Variants in SHH observed in about 807,000 individuals in gnomAD.
The protein encoded by SHH is sonic hedgehog protein.
A neutral mutation model predicts 16.6 loss-of-function variants in SHH; 3 were observed. That is an observed-to-expected ratio of 0.18 (90% CI 0.08 to 0.47). SHH has a LOEUF of 0.47. SHH is among the 20% of genes least tolerant of loss of function. The pLI, the probability that SHH is intolerant of heterozygous loss-of-function variation, is 0.98. For missense variants in SHH, 499 were observed against 665.0 expected, an observed-to-expected ratio of 0.75 and a Z score of 2.75; for synonymous variants, 351 against 316.2, an observed-to-expected ratio of 1.11 and a Z score of -1.17.
In SHH at chr7:155,800,466, T is replaced by C. The variant is rs911181321; in HGVS notation, c.*2434A>G. The C allele has an allele frequency of 3.6e-5, 16 of 443,686 alleles. No individual in the cohort carries two copies. The East Asian group carries it at 9.9e-4, about 27-fold the overall frequency. The allele number at this position is 443,686 out of a possible 1,614,324, so 27.5% of individuals were successfully genotyped here. On this transcript the variant is annotated 3_prime_UTR_variant, in exon 3 of 3. Coordinates refer to ENST00000297261, the MANE Select transcript of SHH (RefSeq NM_000193.4). ...ACCATGGCCTCAGGCACCTTGGGGC[T>C]TGGTCAACGCCTGGCTTCTCTCTGA...
At chr7:155,810,324 C>A (rs1200933251) in intron 1 of SHH, among the ~76,000 whole-genome samples, 1 of 152,228 alleles carries the variant, frequency 6.6e-6, no homozygotes, top group Non-Finnish European at 1.5e-5. Context: ...TCCACGCCCC[C>A]GCCGCTCTCT....
In SHH at chr7:155,806,442, A is replaced by G; in HGVS notation, c.416T>C (p.Leu139Pro). The G allele has an allele frequency of 6.2e-7, 1 of 1,613,816 alleles. No homozygotes were observed. The highest frequency in any genetic ancestry group is 8.5e-7 in the Non-Finnish European group (1 of 1,180,036). ...GTCCACTGCGCGGCCCTCGTAGTGCAGAGACTCCTCTGAGTGGTGGCCATC... is the reference window on the plus strand; with the variant it reads ...GTCCACTGCGCGGCCCTCGTAGTGCGGAGACTCCTCTGAGTGGTGGCCATC... ...DEDGHHSEES[L>P]HYEGRAVDIT... Residue 139 changes from leucine (L) to proline (P), a missense_variant, in exon 2 of 3, where the codon CTG becomes CCG. Coordinates refer to ENST00000297261, the MANE Select transcript of SHH (RefSeq NM_000193.4).
rs767697888 is a variant in SHH at position 155,807,814 on chromosome 7, T to A, written c.301-1257A>T. 8.6e-5 allele frequency among the ~76,000 whole-genome samples: 13 copies of A among 151,742 alleles called. No individual in the cohort carries two copies. The highest frequency in any genetic ancestry group is 1.8e-4 in the Non-Finnish European group (12 of 67,916). On this transcript the variant is annotated intron_variant, in intron 1 of 2. Transcript: ENST00000297261. This position sits in a 1 kb window ranked among gnomAD's most constrained non-coding sequence, Gnocchi z 7.1. The stretch of plus-strand genomic sequence containing the variant: ...TGGAGGCCGAGGGGCAATTTCAAGG[T>A]GACTTCTGCAGAGGGCGGGGCTGAC...
In SHH at chr7:155,809,887, CCAGG is replaced by C. The variant is rs1803464878; in HGVS notation, c.300+1932_300+1935del. Reference sequence around the variant, plus strand: ...CGGCTGGGACGCGGAGGCCTAGAGGCCAGGCAGGCGGCGGACTGGGGATGGGGGC... The same window carrying C: ...CGGCTGGGACGCGGAGGCCTAGAGGCCAGGCGGCGGACTGGGGATGGGGGC... On this transcript the variant is annotated intron_variant, in intron 1 of 2. Transcript: ENST00000297261. This position sits in a 1 kb window ranked among gnomAD's most constrained non-coding sequence, Gnocchi z 6.1. Among the ~76,000 whole-genome samples the C allele has an allele frequency of 1.3e-5, 2 of 151,482 alleles. No individual in the cohort carries two copies. The highest frequency in any genetic ancestry group is 4.8e-5 in the African/African-American group (2 of 41,358).
At position 155,809,908 on chromosome 7, in the gene SHH, G is replaced by T. The variant is rs985660703; in HGVS notation, c.300+1915C>A. Among the ~76,000 whole-genome samples, 1 of 151,534 alleles carries T rather than the reference G, an allele frequency of 6.6e-6. No individual in the cohort carries two copies. Among genetic ancestry groups the T allele is most frequent in the Non-Finnish European group, 1.5e-5 (1 of 67,832 alleles). On this transcript the variant is annotated intron_variant, in intron 1 of 2. Coordinates refer to ENST00000297261, the MANE Select transcript of SHH (RefSeq NM_000193.4). The surrounding 1 kb of genome is among the most constrained non-coding windows in gnomAD (Gnocchi z 6.1). ...GAGGCCAGGCAGGCGGCGGACTGGG[G>T]ATGGGGGCGCGTCCCAGGGCAGGCC...
At chr7:155,808,303 A>G (rs1443443239) in intron 1 of SHH, among the ~76,000 whole-genome samples, 1 of 152,236 alleles carries the variant, frequency 6.6e-6, no homozygotes, top group Non-Finnish European at 1.5e-5. Flanking sequence ...GCACACCACC[A>G]ACACGCACAG....
In SHH at chr7:155,802,896, G is replaced by A. The variant is rs1277892566; in HGVS notation, c.*4C>T. The stretch of plus-strand genomic sequence containing the variant: ...TCCCGCGCCCCTCCCCCGGCCCCCC[G>A]GCTTCAGCTGGACTTGACCGCCATG... On this transcript the variant is annotated 3_prime_UTR_variant, in exon 3 of 3. Transcript: ENST00000297261. The A allele has an allele frequency of 6.6e-6, 3 of 453,896 alleles. No homozygotes were observed. The highest frequency in any genetic ancestry group is 5.3e-5 in the South Asian group (1 of 19,030). The allele number at this position is 453,896 out of a possible 1,614,324, so 28.1% of individuals were successfully genotyped here.
intron 1 of SHH, chr7:155,808,991 A>C (rs1803440490): frequency 1.3e-5 from 2 of 151,964 alleles, no homozygotes; most frequent in Non-Finnish European, 2.9e-5. Flanking sequence ...CCAACCCCAT[A>C]CCTGAGCGTC....
rs1436892055 is a variant in SHH at position 155,809,529 on chromosome 7, G to A, written c.300+2294C>T. 3.3e-5 allele frequency among the ~76,000 whole-genome samples: 5 copies of A among 151,934 alleles called. No homozygotes were observed. The highest frequency in any genetic ancestry group is 7.3e-5 in the African/African-American group (3 of 41,358). On this transcript the variant is annotated intron_variant, in intron 1 of 2. Coordinates refer to ENST00000297261, the MANE Select transcript of SHH (RefSeq NM_000193.4). The surrounding 1 kb of genome is among the most constrained non-coding windows in gnomAD (Gnocchi z 6.1). ...AAGGAAGGTAGGGGAGGGATCAACC[G>A]GGGATACCTCACAGACTGCCAGCCC...
At chr7:155,804,227 GGCCCGCCT>G (rs112069193) in intron 2 of SHH, among the ~76,000 whole-genome samples, 26 of 151,176 alleles carry the variant, frequency 1.7e-4, no homozygotes, top group East Asian at 9.9e-4. Flanking sequence ...GGAAACCCCT[GGCCCGCCT>G]GCCCGCCTGC....
At chr7:155,805,090 C>G (rs1224043282) in intron 2 of SHH, among the ~76,000 whole-genome samples, 1 of 151,970 alleles carries the variant, frequency 6.6e-6, no homozygotes, top group Non-Finnish European at 1.5e-5. Flanking sequence ...GCCGCGGCTC[C>G]GCTCTCCCGG....
Position 155,803,661 on chromosome 7 carries a change from C to T in SHH, c.628G>A (p.Gly210Ser). 6.3e-7 allele frequency: 1 copy of T among 1,597,912 alleles called. No homozygotes were observed. The highest frequency in any genetic ancestry group is 8.5e-7 in the Non-Finnish European group (1 of 1,179,420). Residue 210 changes from glycine (G) to serine (S), a missense_variant, in exon 3 of 3, where the codon GGC becomes AGC. By Grantham distance (56) the Gly-to-Ser change is moderately conservative (BLOSUM62 0). This residue lies in a region of SHH where 114 missense variants were observed against 200.4 expected (regional missense o/e 0.57). Coordinates refer to ENST00000297261, the MANE Select transcript of SHH (RefSeq NM_000193.4). ...AGGTCCTTCACCAGCTTGGTGCCGC[C>T]CTGCTCCAGGTGCACCGTGGCCGAG... ...PGSATVHLEQ[G>S]GTKLVKDLSP...
chr7:155,803,878 C>A, intron 2 of SHH, 152 bp from the exon 3 acceptor site: 1 of 651,442 alleles, frequency 1.5e-6, no homozygotes. Flanking sequence ...CCAGGCGGGT[C>A]CCGCACACAC....
At position 155,807,597 on chromosome 7, in the gene SHH, T is replaced by C. The variant is rs9333613; in HGVS notation, c.301-1040A>G. On this transcript the variant is annotated intron_variant, in intron 1 of 2. Coordinates refer to ENST00000297261, the MANE Select transcript of SHH (RefSeq NM_000193.4). This position sits in a 1 kb window ranked among gnomAD's most constrained non-coding sequence, Gnocchi z 7.1. ...TTACCTGGGATTCAGATTGTGGGGGTTCCCCTGGAATTCTGGGGTCACCCT... is the reference window on the plus strand; with the variant it reads ...TTACCTGGGATTCAGATTGTGGGGGCTCCCCTGGAATTCTGGGGTCACCCT... 0.029 allele frequency among the ~76,000 whole-genome samples: 4,443 copies of C among 151,690 alleles called. 191 individuals carry two copies. Among genetic ancestry groups the C allele is most frequent in the East Asian group, 0.17 (848 of 5,126 alleles).
chr7:155,802,892 C>T lies in SHH; in HGVS notation c.*8G>A. 2 of 1,368,072 alleles carry T rather than the reference C, an allele frequency of 1.5e-6. No individual in the cohort carries two copies. Among genetic ancestry groups the T allele is most frequent in the Non-Finnish European group, 1.9e-6 (2 of 1,051,458 alleles). 84.7% of individuals were successfully genotyped at this position (1,368,072 alleles called of 1,614,324 possible). On this transcript the variant is annotated 3_prime_UTR_variant, in exon 3 of 3. Transcript: ENST00000297261. ...CCCCTCCCGCGCCCCTCCCCCGGCC[C>T]CCCGGCTTCAGCTGGACTTGACCGC... is the stretch of plus-strand genomic sequence containing the variant.
intron 2 of SHH, among the ~76,000 whole-genome samples, chr7:155,804,557 C>A (rs1199248958): frequency 7.1e-6 from 1 of 140,504 alleles, no homozygotes; most frequent in African/African-American, 2.8e-5. Flanking sequence ...TCAGGTGCAA[C>A]CCCCCCCCAC....
chr7:155,803,683 C>A lies in SHH; in HGVS notation c.606G>T (p.Ser202=), dbSNP rs1268805058. The A allele has an allele frequency of 1.3e-6, 2 of 1,597,734 alleles. No homozygotes were observed. Among genetic ancestry groups the A allele is most frequent in the Non-Finnish European group, 8.5e-7 (1 of 1,179,376 alleles). The change falls in exon 3 of 3, where the codon TCG becomes TCT. Residue 202 remains serine, a synonymous_variant. Transcript: ENST00000297261. ...CGCCCTGCTCCAGGTGCACCGTGGCCGAGCCCGGGAAGCAGCCTCCCGATT... is the reference window on the plus strand; with the variant it reads ...CGCCCTGCTCCAGGTGCACCGTGGCAGAGCCCGGGAAGCAGCCTCCCGATT... The part of the protein sequence containing the change: ...AAKSGGCFPG[S]ATVHLEQGGT...
In SHH at chr7:155,812,342, A is replaced by T; in HGVS notation, c.-220T>A. On this transcript the variant is annotated 5_prime_UTR_variant, in exon 1 of 3. Coordinates refer to ENST00000297261, the MANE Select transcript of SHH (RefSeq NM_000193.4). ...ACTCTCCACCGCTCCCCACCCAGAC[A>T]GGGGCTGGAATGGCAGGCTGCCGGC... 1 of 599,402 alleles carries T rather than the reference A, an allele frequency of 1.7e-6. No homozygotes were observed. Among genetic ancestry groups the T allele is most frequent in the Non-Finnish European group, 3.0e-6 (1 of 334,198 alleles). 37.1% of individuals were successfully genotyped at this position (599,402 alleles called of 1,614,324 possible). A position where few individuals can be genotyped will look rare whatever the true frequency, so the allele number is the denominator to read the frequency against.
At position 155,812,309 on chromosome 7, in the gene SHH, T is replaced by C. The variant is rs1252169821; in HGVS notation, c.-187A>G. On this transcript the variant is annotated 5_prime_UTR_variant, in exon 1 of 3. Transcript: ENST00000297261. ...CCTATATAACCTTGCCCGCCGCGGCTGCGGGGGACTCTCCACCGCTCCCCA... is the reference window on the plus strand; with the variant it reads ...CCTATATAACCTTGCCCGCCGCGGCCGCGGGGGACTCTCCACCGCTCCCCA... 3 of 639,158 alleles carry C rather than the reference T, an allele frequency of 4.7e-6. No individual in the cohort carries two copies. Among genetic ancestry groups the C allele is most frequent in the Non-Finnish European group, 5.6e-6 (2 of 355,716 alleles). 39.6% of individuals were successfully genotyped at this position (639,158 alleles called of 1,614,324 possible).
Sources: allele counts gnomAD v4.1 joint callset (sites outside exome capture counted in the v4.1 genomes callset), GRCh38; gene constraint gnomAD v4.1.1; regional missense constraint gnomAD v4.1.1; non-coding constraint Gnocchi (gnomAD v3.1); transcripts MANE v1.5; gene names NCBI Gene and HGNC (gene_info 2026-07-23, HGNC 2026-07-21).